The following MAP3K14 variants were observed in gnomAD, a reference collection of about 807,000 sequenced individuals.
MAP3K14 encodes mitogen-activated protein kinase kinase kinase 14.
A neutral mutation model predicts 99.2 loss-of-function variants in MAP3K14; 16 were observed. The observed-to-expected ratio is 0.16, with a 90% confidence interval of 0.11 to 0.24. The LOEUF (loss-of-function observed/expected upper bound fraction) is 0.24. Ranked by LOEUF, MAP3K14 falls within the 10% of genes least tolerant of loss-of-function variation. MAP3K14 has a pLI of 1.00. For synonymous variants in MAP3K14, 462 were observed against 492.4 expected, an observed-to-expected ratio of 0.94 and a Z score of 0.82; for missense variants, 784 against 1,208.7, an observed-to-expected ratio of 0.65 and a Z score of 5.21.
chr17:45,287,575 G>A (rs1165535918), intron 3 of MAP3K14, among the ~76,000 whole-genome samples: 1 of 152,188 alleles, frequency 6.6e-6, no homozygotes, highest in East Asian at 1.9e-4. Context: ...TGCCATACAG[G>A]GTGGAAATGA....
At chr17:45,268,135 A>C in intron 11 of MAP3K14, 1 of 220,186 alleles carries the variant, frequency 4.5e-6, no homozygotes, top group Non-Finnish European at 8.8e-6. Context: ...GGCATCCTGG[A>C]CCCACCATCT....
chr17:45,297,493 C>T (rs748515613), intron 1 of MAP3K14, among the ~76,000 whole-genome samples: 9 of 152,112 alleles, frequency 5.9e-5, no homozygotes, highest in Non-Finnish European at 1.2e-4. Context: ...TTTAACAGGT[C>T]GTTTCATTTT....
Position 45,290,657 on chromosome 17 carries a change from G to C in MAP3K14, c.89C>G (p.Pro30Arg). ...KELPKAKEKTPPLGKKQSSVY... is the reference protein window; with the variant it reads ...KELPKAKEKTRPLGKKQSSVY... The stretch of plus-strand genomic sequence containing the variant: ...GGAGCTCTGTTTCTTCCCCAGTGGC[G>C]GCGTCTTCTCCTTGGCTTTGGGGAG... The change falls in exon 2 of 16, where the codon CCG becomes CGG. Residue 30 changes from proline (P) to arginine (R), a missense_variant. Coordinates refer to ENST00000344686, the MANE Select transcript of MAP3K14 (RefSeq NM_003954.5). 1 of 1,613,348 alleles carries C rather than the reference G, an allele frequency of 6.2e-7. No individual in the cohort carries two copies. The highest frequency in any genetic ancestry group is 8.5e-7 in the Non-Finnish European group (1 of 1,179,766).
rs1456225116 is a variant in MAP3K14 at position 45,267,072 on chromosome 17, C to T, written c.2433+20G>A. ...AACCACACCCCTGGAGCCATGGCTCCGGGGCCACAACCGACTCACCTTCTC... is the reference window on the plus strand; with the variant it reads ...AACCACACCCCTGGAGCCATGGCTCTGGGGCCACAACCGACTCACCTTCTC... On this transcript the variant is annotated intron_variant, in intron 13 of 15. Transcript: ENST00000344686. This position sits in a 1 kb window ranked among gnomAD's most constrained non-coding sequence, Gnocchi z 5.1. The T allele has an allele frequency of 5.2e-6, 8 of 1,546,994 alleles. No homozygotes were observed. The highest frequency in any genetic ancestry group is 1.8e-4 in the Middle Eastern group (1 of 5,576).
chr17:45,313,701 C>T (rs576257742), intron 1 of MAP3K14, among the ~76,000 whole-genome samples: 45 of 152,228 alleles, frequency 3.0e-4, no homozygotes, highest in African/African-American at 9.9e-4. Context: ...CATCTTTTGG[C>T]CTTTTATTAA....
chr17:45,278,764 G>A (rs1157525110), intron 6 of MAP3K14, among the ~76,000 whole-genome samples: 1 of 150,030 alleles, frequency 6.7e-6, no homozygotes, highest in East Asian at 2.0e-4. Flanking sequence ...CTGCAGCCTC[G>A]ACCTTCCCGG....
rs2044094797 is a variant in MAP3K14 at position 45,267,196 on chromosome 17, A to C, written c.2329T>G (p.Leu777Val). ...GGCTGGGACAGGCTGTTGAGGAATA[A>C]TTCTGCAGGGAAAAGTGGAAGATGG... ...EQELQQLEIE[L>V]FLNSLSQPFS... is the part of the protein sequence containing the mutation. Residue 777 changes from leucine to valine, a missense_variant and splice_region_variant, in exon 13 of 16, where the codon TTA becomes GTA. This residue lies in a region of MAP3K14 where 128 missense variants were observed against 143.3 expected (regional missense o/e 0.89). Transcript: ENST00000344686. The surrounding 1 kb of genome is among the most constrained non-coding windows in gnomAD (Gnocchi z 5.1). 6.3e-7 allele frequency: 1 copy of C among 1,585,140 alleles called. No individual in the cohort carries two copies. The highest frequency in any genetic ancestry group is 8.6e-7 in the Non-Finnish European group (1 of 1,164,388).
intron 6 of MAP3K14, among the ~76,000 whole-genome samples, chr17:45,277,730 G>A (rs754237351): frequency 2.6e-5 from 4 of 152,188 alleles, no homozygotes; most frequent in South Asian, 2.1e-4. Flanking sequence ...AACGGCCACC[G>A]CAGTATCTGC....
At chr17:45,275,724 G>A (rs1377516711) in intron 6 of MAP3K14, among the ~76,000 whole-genome samples, 1 of 150,422 alleles carries the variant, frequency 6.6e-6, no homozygotes, top group African/African-American at 2.4e-5. Flanking sequence ...ACCAAGATTT[G>A]GACTCCATCG....
intron 3 of MAP3K14, 82 bp downstream of exon 3, chr17:45,289,154 G>T: frequency 7.9e-7 from 1 of 1,271,806 alleles, no homozygotes; most frequent in Non-Finnish European, 1.1e-6. Flanking sequence ...GGGGTCAGCA[G>T]GAGCGGCCCA....
chr17:45,304,961 A>G (rs2044419651), intron 1 of MAP3K14, among the ~76,000 whole-genome samples: 1 of 152,208 alleles, frequency 6.6e-6, no homozygotes. Context: ...TTTAAATTAC[A>G]TAGCACAGTG....
At chr17:45,313,186 C>G (rs564730333) in intron 1 of MAP3K14, among the ~76,000 whole-genome samples, 1 of 152,306 alleles carries the variant, frequency 6.6e-6, no homozygotes, top group South Asian at 2.1e-4. Flanking sequence ...TGACTCTGGC[C>G]TGTCAGGCAG....
At position 45,267,662 on chromosome 17, in the gene MAP3K14, C is replaced by T. The variant is rs748652165; in HGVS notation, c.2070G>A (p.Pro690=). 33 of 1,613,822 alleles carry T rather than the reference C, an allele frequency of 2.0e-5. No homozygotes were observed. Among genetic ancestry groups the T allele is most frequent in the South Asian group, 1.1e-4 (10 of 91,076 alleles). Residue 690 remains proline (P), a synonymous_variant, in exon 12 of 16, where the codon CCG becomes CCA. Transcript: ENST00000344686. The surrounding 1 kb of genome is among the most constrained non-coding windows in gnomAD (Gnocchi z 5.1). The part of the protein sequence containing the change: ...ANYHQTLHAQ[P]RELSPRAPGP... ...CTGGGGCCCTTGGCGAAAGCTCTCTCGGCTGGGCATGGAGGGTCTGGTGGT... is the reference window on the plus strand; with the variant it reads ...CTGGGGCCCTTGGCGAAAGCTCTCTTGGCTGGGCATGGAGGGTCTGGTGGT...
At chr17:45,285,368 G>A (rs1200750808) in intron 5 of MAP3K14, among the ~76,000 whole-genome samples, 1 of 152,148 alleles carries the variant, frequency 6.6e-6, no homozygotes, top group Non-Finnish European at 1.5e-5. Context: ...GCTCACGCCT[G>A]TAATCCCAGC....
chr17:45,277,098 G>A (rs955375465), intron 6 of MAP3K14, among the ~76,000 whole-genome samples: 1 of 152,054 alleles, frequency 6.6e-6, no homozygotes, highest in Non-Finnish European at 1.5e-5. Context: ...AAAGTGCTGG[G>A]ATTACAGGCG....
chr17:45,313,118 C>T lies in MAP3K14; in HGVS notation c.-21+3842G>A, dbSNP rs185686422. Among the ~76,000 whole-genome samples the T allele has an allele frequency of 1.4e-4, 21 of 152,156 alleles. No homozygotes were observed. The East Asian group carries it at 4.1e-3, about 29-fold the overall frequency. ...GTATATAGTGTAAGACAGGGAGAACCCGAGAGCTGAAGCTTTTAGACTGAA... is the reference window on the plus strand; with the variant it reads ...GTATATAGTGTAAGACAGGGAGAACTCGAGAGCTGAAGCTTTTAGACTGAA... On this transcript the variant is annotated intron_variant, in intron 1 of 15. Transcript: ENST00000344686.
intron 1 of MAP3K14, among the ~76,000 whole-genome samples, chr17:45,300,823 T>C (rs1026189153): frequency 6.6e-6 from 1 of 151,184 alleles, no homozygotes; most frequent in African/African-American, 2.4e-5. Flanking sequence ...ACTCACAGAA[T>C]TGCAATCTAA....
chr17:45,304,543 G>GAGAAGT (rs2044416834), intron 1 of MAP3K14, among the ~76,000 whole-genome samples: 1 of 152,168 alleles, frequency 6.6e-6, no homozygotes, highest in African/African-American at 2.4e-5. Context: ...CTATGTGTCA[G>GAGAAGT]AGAAGTAGAT....
intron 13 of MAP3K14, 97 bp from the exon 14 acceptor site, chr17:45,266,778 C>T: frequency 7.3e-7 from 1 of 1,363,292 alleles, no homozygotes; most frequent in Non-Finnish European, 1.0e-6. Flanking sequence ...CTGCTCATGC[C>T]CTCAGCTGGA....
Sources: allele counts gnomAD v4.1 joint callset (sites outside exome capture counted in the v4.1 genomes callset), GRCh38; gene constraint gnomAD v4.1.1; regional missense constraint gnomAD v4.1.1; non-coding constraint Gnocchi (gnomAD v3.1); transcripts MANE v1.5; gene names NCBI Gene and HGNC (gene_info 2026-07-23, HGNC 2026-07-21).